The following CDH26 variants were observed in gnomAD, a reference collection of about 807,000 sequenced individuals.
CDH26 encodes cadherin-like protein 26.
A neutral mutation model predicts 90.3 loss-of-function variants in CDH26; 83 were observed. The observed-to-expected ratio is 0.92, with a 90% CI of 0.77 to 1.10. CDH26 has a LOEUF of 1.10. Ranked by LOEUF, CDH26 falls within the 50% of genes least tolerant of loss-of-function variation. The pLI is 0.00. For synonymous variants in CDH26, 397 were observed against 396.3 expected (o/e 1.00, Z -0.02); for missense variants, 1,013 against 1,037.6 (o/e 0.98, Z 0.33).
intron 7 of CDH26, among the ~76,000 whole-genome samples, chr20:60,029,692 G>A (rs1406298840): frequency 1.3e-5 from 2 of 151,850 alleles, no homozygotes; most frequent in South Asian, 2.1e-4. Context: ...GCGTCCATGT[G>A]TTCTCATTGC....
At chr20:60,022,069 C>T in intron 7 of CDH26, among the ~76,000 whole-genome samples, 1 of 151,836 alleles carries the variant, frequency 6.6e-6, no homozygotes, top group Non-Finnish European at 1.5e-5. Flanking sequence ...TCACCTTCCC[C>T]AACTGATGTC....
chr20:59,999,802 C>T (rs1045708257), intron 14 of CDH26, 139 bp downstream of exon 14: 4 of 680,236 alleles, frequency 5.9e-6, no homozygotes, highest in African/African-American at 3.6e-5. Flanking sequence ...CCAGCCCCTA[C>T]TTGCAAAGCC....
intron 7 of CDH26, among the ~76,000 whole-genome samples, chr20:60,029,457 C>A (rs1360034397): frequency 6.6e-6 from 1 of 152,100 alleles, no homozygotes; most frequent in Non-Finnish European, 1.5e-5. Context: ...AACGTAGCAT[C>A]TATAGTCAAC....
chr20:59,977,194 G>A (rs576089798), intron 4 of CDH26, among the ~76,000 whole-genome samples: 2 of 152,258 alleles, frequency 1.3e-5, no homozygotes, highest in South Asian at 2.1e-4. Flanking sequence ...CCCTGGGCCT[G>A]GCTGAAGCTG....
At position 59,996,629 on chromosome 20, in the gene CDH26, A is replaced by G. The variant is rs1312576067; in HGVS notation, c.1889-2A>G. ...CTGTTTTTCCCCTTTGTCTTATAAC[A>G]GTGGCTCTGCTTTTTCTGTTGCGAT... is the stretch of plus-strand genomic sequence containing the variant. On this transcript the variant is annotated splice_acceptor_variant, in intron 12 of 17. Transcript: ENST00000348616. LOFTEE classifies it high-confidence loss of function. The G allele has an allele frequency of 6.2e-7, 1 of 1,614,206 alleles. No individual in the cohort carries two copies. Among genetic ancestry groups the G allele is most frequent in the South Asian group, 1.1e-5 (1 of 91,088 alleles).
At position 59,992,007 on chromosome 20, in the gene CDH26, T is replaced by C. The variant is rs1044248709; in HGVS notation, c.1284-371T>C. 1.2e-4 allele frequency among the ~76,000 whole-genome samples: 19 copies of C among 152,194 alleles called. No homozygotes were observed. The highest frequency in any genetic ancestry group is 2.6e-4 in the Non-Finnish European group (18 of 68,022). On this transcript the variant is annotated intron_variant, in intron 9 of 17. Transcript: ENST00000348616. This position sits in a 1 kb window ranked among gnomAD's most constrained non-coding sequence, Gnocchi z 5.0. ...CCAGGGGTAAAGTCCTAGGTTTCTG[T>C]TGCAAGGGCAGGTTGGTTTTTCACA...
chr20:59,993,262 A>AT (rs1020334019), intron 10 of CDH26, among the ~76,000 whole-genome samples: 5 of 150,956 alleles, frequency 3.3e-5, no homozygotes, highest in Non-Finnish European at 7.4e-5. Flanking sequence ...TTTTTCCTTT[A>AT]TTTTTTGCTT....
At chr20:60,015,865 A>G (rs1020256398), downstream of CDH26, among the ~76,000 whole-genome samples, 6 of 152,272 alleles carry the variant, frequency 3.9e-5, no homozygotes, top group Admixed American at 2.0e-4. Context: ...CCCCAGCACC[A>G]TTTGTTGGAA....
chr20:60,032,390 CAT>C (rs1555904843), intron 8 of CDH26, among the ~76,000 whole-genome samples: 9 of 152,190 alleles, frequency 5.9e-5, no homozygotes, highest in Non-Finnish European at 1.2e-4. Flanking sequence ...AGAATGAACA[CAT>C]AGATACTGAA....
At chr20:60,014,869 A>G (rs1284374241), downstream of CDH26, among the ~76,000 whole-genome samples, 4 of 152,172 alleles carry the variant, frequency 2.6e-5, no homozygotes, top group African/African-American at 7.2e-5. Context: ...TTTTTGAGGA[A>G]CCTCCATACT....
At chr20:60,032,549 G>A (rs987522200) in intron 8 of CDH26, among the ~76,000 whole-genome samples, 14 of 152,042 alleles carry the variant, frequency 9.2e-5, no homozygotes, top group Non-Finnish European at 1.2e-4. Context: ...ACATGCACAC[G>A]TATGTTTATT....
intron 10 of CDH26, 161 bp from the exon 11 acceptor site, chr20:59,994,089 G>C: frequency 3.4e-6 from 3 of 876,754 alleles, no homozygotes; most frequent in Non-Finnish European, 5.1e-6. Context: ...CATAAAAGCA[G>C]GAAAACAGAT....
chr20:59,959,649 C>T (rs904595570), intron 1 of CDH26, among the ~76,000 whole-genome samples: 7 of 152,178 alleles, frequency 4.6e-5, no homozygotes, highest in South Asian at 2.1e-4. Flanking sequence ...ATCTGCCTGC[C>T]TCAGCCTCCC....
chr20:60,009,216 C>G (rs1486105362), intron 17 of CDH26, among the ~76,000 whole-genome samples: 1 of 152,182 alleles, frequency 6.6e-6, no homozygotes, highest in Non-Finnish European at 1.5e-5. Context: ...AAATGGGGCA[C>G]AGAGTGGCCG....
chr20:60,015,667 C>T (rs1451234576), downstream of CDH26, among the ~76,000 whole-genome samples: 1 of 152,110 alleles, frequency 6.6e-6, no homozygotes, highest in Non-Finnish European at 1.5e-5. Flanking sequence ...GTTGTCTATG[C>T]TTTCGAGGTC....
chr20:59,982,855 C>T (rs1218233850), intron 4 of CDH26, 68 bp from the exon 5 acceptor site: 2 of 1,541,628 alleles, frequency 1.3e-6, no homozygotes, highest in African/African-American at 1.4e-5. Flanking sequence ...ATTAGGATAA[C>T]AGTTATTTTA....
chr20:59,996,370 G>A, intron 12 of CDH26: 1 of 1,462,588 alleles, frequency 6.8e-7, no homozygotes, highest in Non-Finnish European at 9.0e-7. Context: ...GACTTGGCAA[G>A]GCTAATAAGA....
At chr20:59,990,787 T>A (rs2061518204) in intron 9 of CDH26, among the ~76,000 whole-genome samples, 1 of 152,082 alleles carries the variant, frequency 6.6e-6, no homozygotes, top group African/African-American at 2.4e-5. Context: ...GAAGTAGCTG[T>A]CAAACTATAG....
chr20:59,992,666 T>G lies in CDH26; in HGVS notation c.1426+146T>G. On this transcript the variant is annotated intron_variant, in intron 10 of 17. Coordinates refer to ENST00000348616, the MANE Select transcript of CDH26 (RefSeq NM_177980.4). This position sits in a 1 kb window ranked among gnomAD's most constrained non-coding sequence, Gnocchi z 5.0. ...TCTGCATCCATGCTGGTGATTATTT[T>G]TGGTAATAATTCTTAAAATGGTAAA... 1.3e-6 allele frequency: 1 copy of G among 797,818 alleles called. No homozygotes were observed. The highest frequency in any genetic ancestry group is 2.7e-5 in the East Asian group (1 of 37,712). The allele number at this position is 797,818 out of a possible 1,614,324, so 49.4% of individuals were successfully genotyped here.
Sources: gnomAD v4.1 joint callset for allele counts (sites outside exome capture counted in the v4.1 genomes callset) on GRCh38, gnomAD v4.1.1 for gene constraint, Gnocchi (gnomAD v3.1) non-coding constraint, MANE v1.5 for transcripts, NCBI Gene and HGNC (gene_info 2026-07-23, HGNC 2026-07-21) for gene names.